SLC7A14: variants seen among roughly 807,000 people sequenced by gnomAD.
The protein encoded by SLC7A14 is solute carrier family 7 member 14.
SLC7A14 carries 37 observed loss-of-function variants against 60.2 expected under a neutral mutation model. That is an observed-to-expected ratio of 0.61 (90% CI 0.47 to 0.81). The LOEUF (loss-of-function observed/expected upper bound fraction) is 0.81, where lower values mean the gene tolerates loss of function less well. Ranked by LOEUF, SLC7A14 falls within the 30% of genes least tolerant of loss-of-function variation. The pLI, the probability that SLC7A14 is intolerant of heterozygous loss-of-function variation, is 0.00. For missense variants in SLC7A14, 886 were observed against 982.7 expected, an observed-to-expected ratio of 0.90 and a Z score of 1.32; for synonymous variants, 399 against 395.8, an observed-to-expected ratio of 1.01 and a Z score of -0.10.
At chr3:170,582,035 A>G (rs2108320107) in intron 1 of SLC7A14, among the ~76,000 whole-genome samples, 1 of 152,304 alleles carries the variant, frequency 6.6e-6, no homozygotes, top group Admixed American at 6.5e-5. Context: ...AGCAAACCTC[A>G]TTCATGGAAT....
At chr3:170,517,684 C>T (rs1254512907) in intron 2 of SLC7A14, among the ~76,000 whole-genome samples, 2 of 152,128 alleles carry the variant, frequency 1.3e-5, no homozygotes, top group Non-Finnish European at 1.5e-5. Flanking sequence ...AGAACCAGCC[C>T]AGGAGGAGGT....
intron 1 of SLC7A14, among the ~76,000 whole-genome samples, chr3:170,542,013 G>A (rs949521478): frequency 6.6e-5 from 10 of 152,116 alleles, no homozygotes; most frequent in African/African-American, 2.2e-4. Context: ...ACTGTTTTAG[G>A]GTCTGTAGCC....
At chr3:170,561,981 T>A (rs188021228) in intron 1 of SLC7A14, among the ~76,000 whole-genome samples, 278 of 152,048 alleles carry the variant, frequency 1.8e-3, no homozygotes, top group African/African-American at 6.5e-3. Context: ...AATCAAAAAA[T>A]AAAAATATAA....
chr3:170,479,337 A>G (rs780323779), intron 7 of SLC7A14, among the ~76,000 whole-genome samples: 3 of 152,196 alleles, frequency 2.0e-5, no homozygotes, highest in Non-Finnish European at 1.5e-5. Context: ...TTCAGAGGAC[A>G]TACAAATAGT....
At chr3:170,580,774 T>C (rs976276821) in intron 1 of SLC7A14, among the ~76,000 whole-genome samples, 2 of 152,218 alleles carry the variant, frequency 1.3e-5, no homozygotes, top group South Asian at 2.1e-4. Flanking sequence ...AGTGACTTCG[T>C]TGAGTTTTCA....
At chr3:170,495,822 C>T in intron 4 of SLC7A14, 2 of 1,133,208 alleles carry the variant, frequency 1.8e-6, no homozygotes, top group Non-Finnish European at 2.7e-6. Context: ...CCTCCTGCAG[C>T]AGCAGAAGAT....
At chr3:170,512,848 A>G (rs1713030834) in intron 2 of SLC7A14, among the ~76,000 whole-genome samples, 1 of 151,658 alleles carries the variant, frequency 6.6e-6, no homozygotes, top group Non-Finnish European at 1.5e-5. Flanking sequence ...TATTTTTAGT[A>G]GAGACGGGGT....
In SLC7A14 at chr3:170,480,398, C is replaced by T; in HGVS notation, c.1884G>A (p.Met628Ile). The T allele has an allele frequency of 6.2e-7, 1 of 1,612,644 alleles. No homozygotes were observed. Among genetic ancestry groups the T allele is most frequent in the Non-Finnish European group, 8.5e-7 (1 of 1,179,020 alleles). The change falls in exon 7 of 8, where the codon ATG becomes ATA. Residue 628 changes from methionine to isoleucine, a missense_variant. By Grantham distance (10) the Met-to-Ile change is conservative. Coordinates refer to ENST00000231706, the MANE Select transcript of SLC7A14 (RefSeq NM_020949.3). The stretch of plus-strand genomic sequence containing the variant: ...CAGGCACAAAGGGGAGGCAAGGGGC[C>T]ATGTAGGGCAGCTTCTTGGGGTTCT... Reference protein sequence around the residue: ...QPENPKKLPYMAPCLPFVPAF... With the variant: ...QPENPKKLPYIAPCLPFVPAF...
intron 5 of SLC7A14, 57 bp downstream of exon 5, chr3:170,486,165 G>A: frequency 6.3e-7 from 1 of 1,596,958 alleles, no homozygotes; most frequent in Non-Finnish European, 8.5e-7. Context: ...GACAGAGAAG[G>A]GAGCTCAGTG....
intron 1 of SLC7A14, among the ~76,000 whole-genome samples, chr3:170,565,160 G>A (rs1714758236): frequency 6.6e-6 from 1 of 152,140 alleles, no homozygotes; most frequent in South Asian, 2.1e-4. Flanking sequence ...CATACAAGCA[G>A]GAAGTAGGAA....
intron 1 of SLC7A14, among the ~76,000 whole-genome samples, chr3:170,568,139 T>A (rs1215177955): frequency 6.6e-6 from 1 of 152,202 alleles, no homozygotes; most frequent in Non-Finnish European, 1.5e-5. Context: ...TTTATGGTTT[T>A]AGGTCTAACA....
intron 2 of SLC7A14, among the ~76,000 whole-genome samples, chr3:170,526,141 C>T (rs1259991786): frequency 6.6e-6 from 1 of 150,524 alleles, no homozygotes; most frequent in Non-Finnish European, 1.5e-5. Flanking sequence ...GTGGCTCATG[C>T]CTGTAATTCC....
intron 7 of SLC7A14, among the ~76,000 whole-genome samples, chr3:170,471,505 TTAA>T (rs1217699403): frequency 4.6e-5 from 7 of 152,306 alleles, no homozygotes; most frequent in African/African-American, 1.2e-4. Context: ...CAACTAAAAA[TTAA>T]TAATAATTTC....
intron 7 of SLC7A14, among the ~76,000 whole-genome samples, chr3:170,472,757 G>C (rs985187467): frequency 6.9e-6 from 1 of 145,280 alleles, no homozygotes. Flanking sequence ...ACAGAGTGAA[G>C]ACTCCGTCTC....
At position 170,532,480 on chromosome 3, in the gene SLC7A14, A is replaced by G. The variant is rs1267256011; in HGVS notation, c.-152-5392T>C. On this transcript the variant is annotated intron_variant, in intron 1 of 7. Coordinates refer to ENST00000231706, the MANE Select transcript of SLC7A14 (RefSeq NM_020949.3). This position sits in a 1 kb window ranked among gnomAD's most constrained non-coding sequence, Gnocchi z 4.0. The stretch of plus-strand genomic sequence containing the variant: ...TGCCTCTGCCTTTACTAACTAAGTG[A>G]CCTTGGGCAAACCTCACTATGCGTC... Among the ~76,000 whole-genome samples, 1 of 152,202 alleles carries G rather than the reference A, an allele frequency of 6.6e-6. No individual in the cohort carries two copies.
chr3:170,486,157 C>T, intron 5 of SLC7A14, 65 bp downstream of exon 5: 1 of 1,581,646 alleles, frequency 6.3e-7, no homozygotes. Flanking sequence ...TCCTTCCTGA[C>T]AGAGAAGGGA....
At chr3:170,467,523 G>C in intron 7 of SLC7A14, 146 bp from the exon 8 acceptor site, 1 of 639,260 alleles carries the variant, frequency 1.6e-6, no homozygotes, top group Non-Finnish European at 2.4e-6. Context: ...GCTTTATGTG[G>C]TGTTTTGAAA....
intron 1 of SLC7A14, among the ~76,000 whole-genome samples, chr3:170,571,208 A>T (rs1246985298): frequency 6.6e-6 from 1 of 152,186 alleles, no homozygotes; most frequent in Non-Finnish European, 1.5e-5. Context: ...GTCTTCCTGT[A>T]CTATGCTCTT....
At chr3:170,510,405 T>A (rs67783502) in intron 2 of SLC7A14, among the ~76,000 whole-genome samples, 66,411 of 126,834 alleles carry the variant, frequency 0.52, 18,814 homozygotes, top group South Asian at 0.65. Context: ...AAAAAATAAA[T>A]AAATAAATAA....
Sources: allele counts gnomAD v4.1 joint callset (sites outside exome capture counted in the v4.1 genomes callset), GRCh38; gene constraint gnomAD v4.1.1; non-coding constraint Gnocchi (gnomAD v3.1); transcripts MANE v1.5; gene names NCBI Gene and HGNC (gene_info 2026-07-23, HGNC 2026-07-21).